Variants in SSBP3 observed in about 807,000 individuals in gnomAD.
SSBP3 encodes the protein single-stranded DNA-binding protein 3.
SSBP3 carries 5 observed loss-of-function variants against 69.6 expected under a neutral mutation model. That is an observed-to-expected ratio of 0.07 (90% CI 0.04 to 0.15). The LOEUF is 0.15. Ranked by LOEUF, SSBP3 falls within the 10% of genes least tolerant of loss-of-function variation. SSBP3 has a pLI of 1.00. For synonymous variants in SSBP3, 196 were observed against 193.4 expected (o/e 1.01, Z -0.11); for missense variants, 312 against 534.0 (o/e 0.58, Z 4.10).
At chr1:54,337,512 T>TTTTTTTTTTTTTTTTTTTTTTTTTTC (rs1646531449) in intron 4 of SSBP3, among the ~76,000 whole-genome samples, 1 of 132,090 alleles carries the variant, frequency 7.6e-6, no homozygotes, top group African/African-American at 3.1e-5. Flanking sequence ...TTTTTTTTTT[T>TTTTTTTTTTTTTTTTTTTTTTTTTTC]TTTGAGATGG....
intron 4 of SSBP3, among the ~76,000 whole-genome samples, chr1:54,289,026 AAAAAAAAAAACAAAAAAAC>A (rs1240551164): frequency 0.021 from 1,623 of 76,402 alleles, 33 homozygotes; most frequent in African/African-American, 0.056. Flanking sequence ...TCTCCAAAAA[AAAAAAAAAAACAAAAAAAC>A]AAAAAAAAAA....
At chr1:54,267,450 G>A (rs1022999057) in intron 5 of SSBP3, among the ~76,000 whole-genome samples, 1 of 152,238 alleles carries the variant, frequency 6.6e-6, no homozygotes, top group African/African-American at 2.4e-5. Flanking sequence ...AGACCAGGGT[G>A]CAACACTTTA....
intron 5 of SSBP3, among the ~76,000 whole-genome samples, chr1:54,277,577 C>CAT (rs1389148744): frequency 1.5e-4 from 23 of 152,318 alleles, no homozygotes; most frequent in Non-Finnish European, 2.9e-5. Context: ...TCCCAATCTG[C>CAT]ATGCCTTCTC....
chr1:54,309,736 A>C (rs1645964827), intron 4 of SSBP3, among the ~76,000 whole-genome samples: 1 of 152,154 alleles, frequency 6.6e-6, no homozygotes, highest in Admixed American at 6.5e-5. Flanking sequence ...AAAAAAGGGA[A>C]AAGAAAGAAA....
intron 2 of SSBP3, 109 bp downstream of exon 2, chr1:54,404,749 T>C: frequency 8.0e-7 from 1 of 1,249,726 alleles, no homozygotes; most frequent in Non-Finnish European, 1.1e-6. Flanking sequence ...CAAAAGGTGA[T>C]AAAAATTCAA....
intron 4 of SSBP3, among the ~76,000 whole-genome samples, chr1:54,359,741 T>TCAGAAAATACGTTTCAGAGAG (rs1646922818): frequency 6.6e-6 from 1 of 152,076 alleles, no homozygotes; most frequent in Non-Finnish European, 1.5e-5. Flanking sequence ...GAGCAAAGAA[T>TCAGAAAATACGTTTCAGAGAG]CAGAAAATAC....
At chr1:54,385,823 G>A (rs1375283156) in intron 4 of SSBP3, among the ~76,000 whole-genome samples, 2 of 152,176 alleles carry the variant, frequency 1.3e-5, no homozygotes, top group Non-Finnish European at 1.5e-5. Context: ...AACTGGCACA[G>A]GTTACACTGT....
chr1:54,240,071 TGTGTGTGTGTGTGTGTGCGCGCGCGC>T (rs1417382128), intron 13 of SSBP3, among the ~76,000 whole-genome samples: 642 of 26,248 alleles, frequency 0.024, 12 homozygotes, highest in African/African-American at 0.11. Context: ...TGTGTGTGTG[TGTGTGTGTGTGTGTGTGCGCGCGCGC>T]GCGTGTGCGT....
At chr1:54,231,902 C>T (rs1016326630) in intron 14 of SSBP3, among the ~76,000 whole-genome samples, 1 of 152,054 alleles carries the variant, frequency 6.6e-6, no homozygotes, top group Admixed American at 6.5e-5. Context: ...CCACATTGGC[C>T]AAGCTGGTCT....
At chr1:54,306,378 A>C (rs1309992754) in intron 4 of SSBP3, among the ~76,000 whole-genome samples, 1 of 152,234 alleles carries the variant, frequency 6.6e-6, no homozygotes, top group African/African-American at 2.4e-5. Flanking sequence ...ACAGGAGTAC[A>C]GTTTCAGTCC....
intron 4 of SSBP3, among the ~76,000 whole-genome samples, chr1:54,374,773 A>AC (rs910714445): frequency 1.3e-5 from 2 of 152,102 alleles, no homozygotes; most frequent in Admixed American, 6.5e-5. Context: ...TGCAGACCCC[A>AC]CCTAATCCAA....
At chr1:54,270,892 C>T (rs1448123894) in intron 5 of SSBP3, among the ~76,000 whole-genome samples, 1 of 152,166 alleles carries the variant, frequency 6.6e-6, no homozygotes, top group Non-Finnish European at 1.5e-5. Context: ...CATGTGCCCA[C>T]CCAGGCTGTG....
At chr1:54,227,108 T>G in exon 18 of SSBP3, 1 of 1,528,812 alleles carries the variant, frequency 6.5e-7, no homozygotes, top group African/African-American at 1.4e-5. Context: ...GCCTGCTCTC[T>G]CAGCGTCTCG....
intron 4 of SSBP3, among the ~76,000 whole-genome samples, chr1:54,300,006 C>T (rs74517298): frequency 0.022 from 3,398 of 152,276 alleles, 132 homozygotes; most frequent in African/African-American, 0.077. Flanking sequence ...ATGCTCCTAT[C>T]ACAGTCTTCC....
intron 14 of SSBP3, among the ~76,000 whole-genome samples, chr1:54,229,567 G>A (rs933154134): frequency 6.6e-6 from 1 of 152,122 alleles, no homozygotes; most frequent in Non-Finnish European, 1.5e-5. Flanking sequence ...GCAGATGAGG[G>A]CTTGGAGATA....
intron 4 of SSBP3, among the ~76,000 whole-genome samples, chr1:54,335,321 T>C (rs1047682132): frequency 1.3e-5 from 2 of 152,236 alleles, no homozygotes; most frequent in Non-Finnish European, 2.9e-5. Flanking sequence ...ATCAGATTTA[T>C]TACATTCCGA....
chr1:54,254,494 G>A (rs1644885555), intron 7 of SSBP3, among the ~76,000 whole-genome samples: 1 of 152,224 alleles, frequency 6.6e-6, no homozygotes, highest in Non-Finnish European at 1.5e-5. Context: ...GGAGGCAGAT[G>A]GGAGGCAGGC....
chr1:54,329,293 C>T (rs556044904), intron 4 of SSBP3, among the ~76,000 whole-genome samples: 7 of 152,296 alleles, frequency 4.6e-5, no homozygotes, highest in African/African-American at 7.2e-5. Context: ...GAAGGCTGCA[C>T]ATTTATCTTT....
At chr1:54,280,184 T>C (rs1020133538) in intron 5 of SSBP3, among the ~76,000 whole-genome samples, 1 of 152,250 alleles carries the variant, frequency 6.6e-6, no homozygotes, top group African/African-American at 2.4e-5. Context: ...GTGAGCAGCA[T>C]GTCCCAGCCC....
Sources: gnomAD v4.1 joint callset for allele counts (sites outside exome capture counted in the v4.1 genomes callset) on GRCh38, gnomAD v4.1.1 for gene constraint, MANE v1.5 for transcripts, NCBI Gene and HGNC (gene_info 2026-07-23, HGNC 2026-07-21) for gene names.